NUP153: variants seen among roughly 807,000 people sequenced by gnomAD.
NUP153 encodes the protein nuclear pore complex protein Nup153.
NUP153 carries 27 observed loss-of-function variants against 134.6 expected under a neutral mutation model. The ratio of observed to expected loss-of-function variants is 0.20; its 90% CI spans 0.15 to 0.28. The LOEUF (loss-of-function observed/expected upper bound fraction) is 0.28. Ranked by LOEUF, NUP153 falls within the 10% of genes least tolerant of loss-of-function variation. NUP153 has a pLI of 1.00. For missense variants in NUP153, 1,821 were observed against 1,731.3 expected, an observed-to-expected ratio of 1.05 and a Z score of -0.92; for synonymous variants, 640 against 623.5, an observed-to-expected ratio of 1.03 and a Z score of -0.40.
At chr6:17,686,366 C>A (rs982546923) in intron 2 of NUP153, among the ~76,000 whole-genome samples, 1 of 151,592 alleles carries the variant, frequency 6.6e-6, no homozygotes, top group Non-Finnish European at 1.5e-5. Context: ...GGTTAATGTG[C>A]GCATGTCTTA....
chr6:17,668,032 AGAT>A (rs1205260814), intron 8 of NUP153, among the ~76,000 whole-genome samples: 1 of 151,672 alleles, frequency 6.6e-6, no homozygotes, highest in African/African-American at 2.4e-5. Context: ...AAGTATACAA[AGAT>A]GATGATGTGC....
At chr6:17,662,405 T>TA (rs1767244044) in intron 9 of NUP153, among the ~76,000 whole-genome samples, 1 of 152,166 alleles carries the variant, frequency 6.6e-6, no homozygotes, top group Non-Finnish European at 1.5e-5. Context: ...GCTATTCCTT[T>TA]CGAAATAGCT....
chr6:17,704,283 C>A (rs1420990801), intron 1 of NUP153, among the ~76,000 whole-genome samples: 2 of 144,492 alleles, frequency 1.4e-5, no homozygotes, highest in African/African-American at 5.0e-5. Context: ...CAGAGCGAGA[C>A]TCCGTCTCAA....
Position 17,669,332 on chromosome 6 carries a change from T to C in NUP153, c.975A>G (p.Ala325=), listed in dbSNP as rs1420460133. ...AAGAAACAATGGATGGAATTCTTTT[T>C]GCATCCTGTTAAAGTTGAAAAAATA... ...LEKMSSPLAD[A]KRIPSIVSSP... is the part of the protein sequence containing the mutation. Residue 325 remains alanine (A), a synonymous_variant, in exon 7 of 22, where the codon GCA becomes GCG. Transcript: ENST00000262077. The C allele has an allele frequency of 6.2e-7, 1 of 1,610,548 alleles. No individual in the cohort carries two copies. Among genetic ancestry groups the C allele is most frequent in the Admixed American group, 1.7e-5 (1 of 60,006 alleles).
intron 2 of NUP153, among the ~76,000 whole-genome samples, chr6:17,676,636 A>G (rs749472399): frequency 3.0e-4 from 45 of 152,202 alleles, no homozygotes; most frequent in Non-Finnish European, 5.3e-4. Context: ...GTAAACAATT[A>G]TAAGACTGGA....
chr6:17,624,157 T>C (rs1764794560), intron 20 of NUP153, among the ~76,000 whole-genome samples: 1 of 152,222 alleles, frequency 6.6e-6, no homozygotes, highest in South Asian at 2.1e-4. Context: ...AAATAGAAAG[T>C]GTCATGAGAC....
At chr6:17,678,347 T>G (rs1377771861) in intron 2 of NUP153, among the ~76,000 whole-genome samples, 2 of 95,220 alleles carry the variant, frequency 2.1e-5, no homozygotes, top group Non-Finnish European at 3.6e-5. Flanking sequence ...CAGAACCCTC[T>G]GTCTCAAAAA....
chr6:17,664,411 GC>G (rs1767389333), intron 9 of NUP153, among the ~76,000 whole-genome samples: 1 of 152,156 alleles, frequency 6.6e-6, no homozygotes, highest in Admixed American at 6.6e-5. Flanking sequence ...AACCAATGTG[GC>G]CAGGGTGAGG....
chr6:17,664,889 C>T (rs1767420951), intron 9 of NUP153, among the ~76,000 whole-genome samples: 1 of 151,692 alleles, frequency 6.6e-6, no homozygotes, highest in Non-Finnish European at 1.5e-5. Context: ...CCTGTCTCTA[C>T]TAAAAATACA....
chr6:17,628,771 T>A lies in NUP153; in HGVS notation c.3428A>T (p.Asp1143Val). 17 of 1,614,216 alleles carry A rather than the reference T, an allele frequency of 1.1e-5. No individual in the cohort carries two copies. Among genetic ancestry groups the A allele is most frequent in the Non-Finnish European group, 1.4e-5 (17 of 1,180,026 alleles). ...FSFGNSEQTK[D>V]ENSSKSTFSF... ...AAATGTGGACTTTGAAGAATTCTCA[T>A]CTTTGGTTTGCTCTGAATTCCCAAA... Residue 1143 changes from aspartate (D) to valine (V), a missense_variant, in exon 18 of 22, where the codon GAT becomes GTT. By Grantham distance (152) the Asp-to-Val change is radical (BLOSUM62 -3). Transcript: ENST00000262077. The surrounding 1 kb of genome is among the most constrained non-coding windows in gnomAD (Gnocchi z 5.4).
chr6:17,637,795 C>T, intron 15 of NUP153, 25 bp from the exon 16 acceptor site: 1 of 1,565,978 alleles, frequency 6.4e-7, no homozygotes, highest in Non-Finnish European at 8.6e-7. Flanking sequence ...GGAGAGAGTG[C>T]AACGTTAGAG....
At chr6:17,678,309 T>A (rs1478942580) in intron 2 of NUP153, among the ~76,000 whole-genome samples, 2 of 136,688 alleles carry the variant, frequency 1.5e-5, no homozygotes, top group African/African-American at 2.9e-5. Context: ...TGAGCTAAGA[T>A]CTTGCCACTG....
At chr6:17,665,114 C>A in intron 9 of NUP153, 125 bp downstream of exon 9, 4 of 476,490 alleles carry the variant, frequency 8.4e-6, no homozygotes, top group Non-Finnish European at 7.0e-6. Flanking sequence ...TCATAATCAT[C>A]ACTAATTCAC....
chr6:17,635,098 G>A (rs114639595), intron 16 of NUP153, among the ~76,000 whole-genome samples: 15,563 of 143,252 alleles, frequency 0.11, 877 homozygotes, highest in Admixed American at 0.14. Context: ...GCACAGCTTG[G>A]CTTATCTTTT....
chr6:17,704,339 T>C (rs1171904184), intron 1 of NUP153, among the ~76,000 whole-genome samples: 1 of 151,498 alleles, frequency 6.6e-6, no homozygotes, highest in Admixed American at 6.6e-5. Flanking sequence ...TGGAAAATAT[T>C]AATTCCCTTC....
At chr6:17,673,071 C>G (rs896864290) in intron 5 of NUP153, among the ~76,000 whole-genome samples, 3 of 151,942 alleles carry the variant, frequency 2.0e-5, no homozygotes, top group Admixed American at 1.3e-4. Context: ...AAGATGTCAT[C>G]AAAAGTAAAA....
At chr6:17,618,821 C>T (rs984365101) in intron 20 of NUP153, among the ~76,000 whole-genome samples, 1 of 152,170 alleles carries the variant, frequency 6.6e-6, no homozygotes, top group African/African-American at 2.4e-5. Flanking sequence ...CCGCCTTGGC[C>T]TCCCAAAGTG....
chr6:17,682,128 G>C (rs954287557), intron 2 of NUP153, among the ~76,000 whole-genome samples: 3 of 152,112 alleles, frequency 2.0e-5, no homozygotes, highest in Non-Finnish European at 4.4e-5. Context: ...AGAATGTAAA[G>C]TGAGTCACAC....
At chr6:17,667,328 T>G (rs1767595130) in intron 8 of NUP153, among the ~76,000 whole-genome samples, 1 of 152,186 alleles carries the variant, frequency 6.6e-6, no homozygotes, top group Non-Finnish European at 1.5e-5. Flanking sequence ...CAGATAATAA[T>G]TTATCAATAT....
Sources: gnomAD v4.1 joint callset for allele counts (sites outside exome capture counted in the v4.1 genomes callset) on GRCh38, gnomAD v4.1.1 for gene constraint, Gnocchi (gnomAD v3.1) non-coding constraint, MANE v1.5 for transcripts, NCBI Gene and HGNC (gene_info 2026-07-23, HGNC 2026-07-21) for gene names.